KEL: variants seen among roughly 807,000 people sequenced by gnomAD.
KEL encodes the protein Kell metallo-endopeptidase (Kell blood group).
In KEL, 96 loss-of-function variants were observed where a neutral mutation model predicts 99.5. The ratio of observed to expected loss-of-function variants is 0.97; its 90% CI spans 0.82 to 1.14. The LOEUF (loss-of-function observed/expected upper bound fraction) is 1.14, where lower values mean the gene tolerates loss of function less well. Ranked by LOEUF, KEL falls within the 50% of genes most tolerant of loss-of-function variation. KEL has a pLI of 0.00. For synonymous variants in KEL, 355 were observed against 354.8 expected (o/e 1.00, Z -0.01); for missense variants, 926 against 924.2 (o/e 1.00, Z -0.03).
chr7:142,948,865 G>A (rs1252150704), intron 10 of KEL, among the ~76,000 whole-genome samples: 2 of 151,238 alleles, frequency 1.3e-5, no homozygotes, highest in African/African-American at 4.9e-5. Flanking sequence ...GTTGCCACAG[G>A]AGAAGGGTAG....
At chr7:142,942,385 C>T (rs371080072) in intron 18 of KEL, 49 bp downstream of exon 18, 230 of 1,283,034 alleles carry the variant, frequency 1.8e-4, no homozygotes, top group Non-Finnish European at 2.4e-4. Context: ...AGTAATAAGG[C>T]GTTCAACTGA....
rs1467976422 is a variant in KEL at position 142,942,914 on chromosome 7, C to G, written c.1902G>C (p.Glu634Asp). Residue 634 changes from glutamate (E) to aspartate (D), a missense_variant, in exon 17 of 19, where the codon GAG becomes GAC. Glu to Asp is a conservative substitution (Grantham distance 45, BLOSUM62 2). Transcript: ENST00000355265. ...TSFNDSLTFL[E>D]NAADVGGLAI... ...CTAGCCCCCCAACGTCTGCAGCATT[C>G]TCTAAGAATGTGAGGGAGTCATTGA... 57 of 1,614,078 alleles carry G rather than the reference C, an allele frequency of 3.5e-5. No individual in the cohort carries two copies. The highest frequency in any genetic ancestry group is 4.8e-5 in the Non-Finnish European group (57 of 1,180,040).
At chr7:142,948,668 A>G (rs562141148) in intron 10 of KEL, among the ~76,000 whole-genome samples, 67 of 152,338 alleles carry the variant, frequency 4.4e-4, no homozygotes, top group African/African-American at 1.5e-3. Flanking sequence ...TGCCAAAATG[A>G]TAAAAATTCT....
intron 6 of KEL, among the ~76,000 whole-genome samples, chr7:142,955,570 G>T (rs1298819321): frequency 6.6e-6 from 1 of 151,848 alleles, no homozygotes; most frequent in Non-Finnish European, 1.5e-5. Context: ...TGAGTTTTGG[G>T]GACCTTCTTA....
At chr7:142,946,402 C>T in intron 10 of KEL, 85 bp from the exon 11 acceptor site, 2 of 1,079,802 alleles carry the variant, frequency 1.9e-6, no homozygotes, top group Non-Finnish European at 2.8e-6. Flanking sequence ...ATCTTCATTC[C>T]CAGAGGGTGC....
In KEL at chr7:142,954,469, G is replaced by A. The variant is rs1796776390; in HGVS notation, c.731C>T (p.Ala244Val). ...TTTGTCCATGTGCCATCTTACCTGG[G>A]CATAGATCTTCTGTTCTTGATCTTG... ...LKQDQEQKIYAQIFREYLTYL... is the reference protein window; with the variant it reads ...LKQDQEQKIYVQIFREYLTYL... The change falls in exon 7 of 19, where the codon GCC (alanine) becomes GTC (valine). Residue 244 changes from alanine to valine, a missense_variant. By Grantham distance (64) the Ala-to-Val change is moderately conservative. Transcript: ENST00000355265. The A allele has an allele frequency of 6.2e-7, 1 of 1,613,716 alleles. No homozygotes were observed. Among genetic ancestry groups the A allele is most frequent in the Non-Finnish European group, 8.5e-7 (1 of 1,179,732 alleles).
chr7:142,947,573 C>T (rs1447592536), intron 10 of KEL, among the ~76,000 whole-genome samples: 1 of 152,174 alleles, frequency 6.6e-6, no homozygotes, highest in Non-Finnish European at 1.5e-5. Flanking sequence ...TATTTTGTAA[C>T]AGAGTCTCAC....
In KEL at chr7:142,952,490, C is replaced by T. The variant is rs541816608; in HGVS notation, c.1203+19G>A. 8.1e-6 allele frequency: 13 copies of T among 1,613,318 alleles called. No individual in the cohort carries two copies. The highest frequency in any genetic ancestry group is 1.1e-5 in the South Asian group (1 of 91,044). ...CTCCTTTCGAGTATCTGGGCAAATA[C>T]ACCCGCTCCTCTCCTCACCATGGGT... On this transcript the variant is annotated intron_variant, in intron 10 of 18. Transcript: ENST00000355265.
chr7:142,958,249 G>GCAT, intron 5 of KEL, 55 bp downstream of exon 5: 1 of 1,612,946 alleles, frequency 6.2e-7, no homozygotes, highest in South Asian at 1.1e-5. Flanking sequence ...CCCTAAGCAT[G>GCAT]CATTGGTCCC....
intron 1 of KEL, 21 bp downstream of exon 1, chr7:142,962,183 T>A: frequency 1.2e-6 from 2 of 1,614,120 alleles, no homozygotes; most frequent in Middle Eastern, 3.3e-4. Flanking sequence ...GCTAAGCCTC[T>A]GACTCCAAAA....
intron 17 of KEL, 100 bp downstream of exon 17, chr7:142,942,775 A>G (rs1796396361): frequency 1.4e-6 from 2 of 1,441,638 alleles, no homozygotes; most frequent in East Asian, 2.3e-5. Flanking sequence ...GCAGAAAGCC[A>G]TGCAACTGTA....
intron 11 of KEL, 184 bp downstream of exon 11, chr7:142,946,023 G>A: frequency 3.3e-6 from 2 of 611,556 alleles, no homozygotes; most frequent in Non-Finnish European, 5.9e-6. Flanking sequence ...GTGGCCTGAA[G>A]CTGAACTGTT....
intron 6 of KEL, among the ~76,000 whole-genome samples, chr7:142,956,872 G>A (rs1796841723): frequency 6.6e-6 from 1 of 152,126 alleles, no homozygotes; most frequent in Non-Finnish European, 1.5e-5. Flanking sequence ...TGGTAATTTT[G>A]TGGCTCTTTT....
chr7:142,954,436 G>T, intron 7 of KEL, 29 bp downstream of exon 7: 1 of 1,608,530 alleles, frequency 6.2e-7, no homozygotes, highest in Non-Finnish European at 8.5e-7. Context: ...GCCTCAGAGG[G>T]CAGGGCCTTT....
rs1425208247 is a variant in KEL, at chr7:142,942,938, G to A, written c.1878C>T (p.Phe626=). 6.2e-7 allele frequency: 1 copy of A among 1,614,102 alleles called. No individual in the cohort carries two copies. Among genetic ancestry groups the A allele is most frequent in the African/African-American group, 1.3e-5 (1 of 74,928 alleles). Residue 626 remains phenylalanine (F), a synonymous_variant, in exon 17 of 19, where the codon TTC becomes TTT. Transcript: ENST00000355265. The part of the protein sequence containing the change: ...AAFPLPSRTS[F]NDSLTFLENA... ...TCTCTAAGAATGTGAGGGAGTCATT[G>A]AAGGAGGTTCTGCTAGGTAATGGAA...
intron 4 of KEL, among the ~76,000 whole-genome samples, chr7:142,959,659 C>A (rs1047269820): frequency 1.1e-4 from 17 of 152,142 alleles, no homozygotes; most frequent in Non-Finnish European, 2.5e-4. Flanking sequence ...ACTCCTCATC[C>A]ATTGATCCCA....
intron 15 of KEL, 30 bp from the exon 16 acceptor site, chr7:142,943,373 A>T: frequency 1.2e-6 from 2 of 1,613,474 alleles, no homozygotes; most frequent in Non-Finnish European, 1.7e-6. Context: ...TTTGACCCCC[A>T]GAATCTCTCA....
intron 13 of KEL, among the ~76,000 whole-genome samples, 153 bp from the exon 14 acceptor site, chr7:142,944,036 C>T (rs995284801): frequency 6.6e-6 from 1 of 152,182 alleles, no homozygotes; most frequent in East Asian, 1.9e-4. Flanking sequence ...CATCACTACA[C>T]AGCACACCCA....
intron 11 of KEL, 130 bp downstream of exon 11, chr7:142,946,077 T>G (rs1308472108): frequency 1.4e-6 from 1 of 703,860 alleles, no homozygotes; most frequent in Non-Finnish European, 2.5e-6. Context: ...CCTCTCTCAG[T>G]GGCCCTTCTC....
Sources: allele counts gnomAD v4.1 joint callset (sites outside exome capture counted in the v4.1 genomes callset), GRCh38; gene constraint gnomAD v4.1.1; transcripts MANE v1.5; gene names NCBI Gene and HGNC (gene_info 2026-07-23, HGNC 2026-07-21).